NPHP1: variants seen among roughly 807,000 people sequenced by gnomAD.
The protein encoded by NPHP1 is nephrocystin-1.
NPHP1 carries 70 observed loss-of-function variants against 90.4 expected under a neutral mutation model. That is an observed-to-expected ratio of 0.77 (90% CI 0.64 to 0.95). The LOEUF (loss-of-function observed/expected upper bound fraction) is 0.95, where lower values mean the gene tolerates loss of function less well. NPHP1 is among the 40% of genes least tolerant of loss of function. NPHP1 has a pLI of 0.00. For synonymous variants in NPHP1, 256 were observed against 271.7 expected, an observed-to-expected ratio of 0.94 and a Z score of 0.57; for missense variants, 764 against 795.9, an observed-to-expected ratio of 0.96 and a Z score of 0.48.
At chr2:110,191,518 A>G (rs1684736831) in intron 2 of NPHP1, among the ~76,000 whole-genome samples, 1 of 152,198 alleles carries the variant, frequency 6.6e-6, no homozygotes, top group Non-Finnish European at 1.5e-5. Flanking sequence ...GGAAGCTCAA[A>G]CTGGGTGGAG....
rs186950965 is a variant in NPHP1 at position 110,123,912 on chromosome 2, T to G, written c.1913A>C (p.Gln638Pro). 1 of 1,614,146 alleles carries G rather than the reference T, an allele frequency of 6.2e-7. No homozygotes were observed. Among genetic ancestry groups the G allele is most frequent in the East Asian group, 2.2e-5 (1 of 44,880 alleles). The change falls in exon 20 of 20, where the codon CAA becomes CCA. Residue 638 changes from glutamine to proline, a missense_variant. Gln to Pro is a moderately conservative substitution (Grantham distance 76). Coordinates refer to ENST00000445609, the MANE Select transcript of NPHP1 (RefSeq NM_001128178.3). ...RWKVITDFLKQNQENQGALQA... is the reference protein window; with the variant it reads ...RWKVITDFLKPNQENQGALQA... ...GAGGGCGCCCTGGTTTTCTTGGTTT[T>G]GCTTAAGGAAGTCAGTGATAACTTT...
chr2:110,124,283 C>G (rs1679198185), intron 19 of NPHP1: 2 of 603,198 alleles, frequency 3.3e-6, no homozygotes, highest in African/African-American at 3.7e-5. Context: ...CCCTGAGAGC[C>G]TCTACGTGGC....
At chr2:110,132,431 A>G (rs1191786376) in intron 16 of NPHP1, among the ~76,000 whole-genome samples, 1 of 152,110 alleles carries the variant, frequency 6.6e-6, no homozygotes, top group Non-Finnish European at 1.5e-5. Flanking sequence ...GAGACAGGTG[A>G]ATCACTTGAG....
At chr2:110,201,637 A>G in intron 1 of NPHP1, 143 bp from the exon 2 acceptor site, 1 of 637,410 alleles carries the variant, frequency 1.6e-6, no homozygotes, top group South Asian at 1.9e-5. Flanking sequence ...AAACCCATAT[A>G]CCCGCTACCT....
intron 11 of NPHP1, among the ~76,000 whole-genome samples, chr2:110,155,031 A>G (rs1348130249): frequency 6.6e-6 from 1 of 151,986 alleles, no homozygotes; most frequent in African/African-American, 2.4e-5. Flanking sequence ...GGAGGAAAAA[A>G]TGGTTTCATG....
intron 2 of NPHP1, among the ~76,000 whole-genome samples, chr2:110,197,355 G>C (rs1685241296): frequency 6.6e-6 from 1 of 151,948 alleles, no homozygotes; most frequent in African/African-American, 2.4e-5. Flanking sequence ...TTGTCAAAAG[G>C]GTAGCAAAAG....
Position 110,150,227 on chromosome 2 carries a change from G to C in NPHP1, c.1113C>G (p.Ala371=). Residue 371 remains alanine (A), a synonymous_variant, in exon 12 of 20, where the codon GCC becomes GCG. Coordinates refer to ENST00000445609, the MANE Select transcript of NPHP1 (RefSeq NM_001128178.3). Reference sequence around the variant, plus strand: ...TTTTGGGCTTTTTAGGTTGCCATGTGGCTCTGACTGTATGAATGTTGCTCA... The same window carrying C: ...TTTTGGGCTTTTTAGGTTGCCATGTCGCTCTGACTGTATGAATGTTGCTCA... ...KVLSNIHTVR[A]TWQPKKPKTW... is the part of the protein sequence containing the mutation. The C allele has an allele frequency of 6.2e-7, 1 of 1,613,912 alleles. No individual in the cohort carries two copies. The highest frequency in any genetic ancestry group is 8.5e-7 in the Non-Finnish European group (1 of 1,179,862).
At chr2:110,141,807 C>T (rs532584454) in intron 16 of NPHP1, among the ~76,000 whole-genome samples, 108 of 151,778 alleles carry the variant, frequency 7.1e-4, no homozygotes, top group African/African-American at 2.6e-3. Flanking sequence ...CCTGTCTCTA[C>T]TAAAAATACA....
At chr2:110,204,259 CAG>C (rs1328446247) in intron 1 of NPHP1, among the ~76,000 whole-genome samples, 1 of 152,178 alleles carries the variant, frequency 6.6e-6, no homozygotes, top group African/African-American at 2.4e-5. Context: ...TTCCTCAAGA[CAG>C]AGTGTTGTGA....
chr2:110,134,944 C>T (rs889556736), intron 16 of NPHP1, among the ~76,000 whole-genome samples: 11 of 152,050 alleles, frequency 7.2e-5, no homozygotes, highest in Non-Finnish European at 1.6e-4. Flanking sequence ...CTGCTCCTGC[C>T]ACTTTTACTC....
chr2:110,125,204 C>T (rs757316427), intron 19 of NPHP1: 12 of 1,533,608 alleles, frequency 7.8e-6, no homozygotes, highest in South Asian at 4.8e-5. Flanking sequence ...AAAGCAAGTT[C>T]GGATTGGTAA....
intron 16 of NPHP1, among the ~76,000 whole-genome samples, chr2:110,133,175 A>G (rs1401967839): frequency 6.6e-6 from 1 of 151,888 alleles, no homozygotes; most frequent in African/African-American, 2.4e-5. Context: ...CTCACGGTAG[A>G]CTTAGGACAC....
At chr2:110,168,325 A>G (rs566390568) in intron 6 of NPHP1, 127 bp downstream of exon 6, 2 of 704,966 alleles carry the variant, frequency 2.8e-6, no homozygotes, top group East Asian at 2.6e-5. Flanking sequence ...CTGTCCCTCC[A>G]AAATTAAAGC....
chr2:110,185,152 G>A (rs1684198294), intron 2 of NPHP1: 5 of 571,540 alleles, frequency 8.7e-6, no homozygotes, highest in Non-Finnish European at 1.4e-5. Flanking sequence ...GGAAGACGGT[G>A]CCTGATCTAT....
chr2:110,172,899 C>T (rs1312967055), intron 4 of NPHP1, among the ~76,000 whole-genome samples: 3 of 151,870 alleles, frequency 2.0e-5, no homozygotes, highest in African/African-American at 7.3e-5. Flanking sequence ...CTTTGACTCA[C>T]AGTTTATATA....
intron 15 of NPHP1, 64 bp from the exon 16 acceptor site, chr2:110,143,705 A>G: frequency 2.7e-6 from 3 of 1,131,112 alleles, no homozygotes; most frequent in Non-Finnish European, 4.0e-6. Flanking sequence ...AGTATAATAA[A>G]ACAAGTATTT....
intron 9 of NPHP1, 146 bp downstream of exon 9, chr2:110,162,902 T>C (rs1351544844): frequency 9.9e-6 from 7 of 705,662 alleles, no homozygotes; most frequent in Non-Finnish European, 1.5e-5. Flanking sequence ...CTCACTGTCA[T>C]AGGAAGGATG....
At chr2:110,202,170 T>G (rs866453213) in intron 1 of NPHP1, among the ~76,000 whole-genome samples, 1 of 152,334 alleles carries the variant, frequency 6.6e-6, no homozygotes, top group Middle Eastern at 3.4e-3. Flanking sequence ...TGACTTTGTT[T>G]CTCTTGACTT....
intron 16 of NPHP1, among the ~76,000 whole-genome samples, chr2:110,135,707 A>G (rs891172847): frequency 6.6e-6 from 1 of 152,136 alleles, no homozygotes; most frequent in Non-Finnish European, 1.5e-5. Context: ...CTTACAAATG[A>G]TATGTTGTCT....
Sources: allele counts gnomAD v4.1 joint callset (sites outside exome capture counted in the v4.1 genomes callset), GRCh38; gene constraint gnomAD v4.1.1; transcripts MANE v1.5; gene names NCBI Gene and HGNC (gene_info 2026-07-23, HGNC 2026-07-21).